Variants in WNK3 observed in about 807,000 individuals in gnomAD.
WNK3 encodes serine/threonine-protein kinase WNK3.
WNK3 carries 18 observed loss-of-function variants against 116.7 expected under a neutral mutation model. That is an observed-to-expected ratio of 0.15 (90% CI 0.11 to 0.23). The LOEUF is 0.23. Among genes scored for constraint, WNK3 ranks in the 10% least tolerant of loss-of-function variants. The pLI is 1.00. For synonymous variants in WNK3, 404 were observed against 469.4 expected (o/e 0.86, Z 1.80); for missense variants, 993 against 1,323.8 (o/e 0.75, Z 3.88).
chrX:54,291,294 CATA>C (rs2068637103), intron 10 of WNK3, among the ~76,000 whole-genome samples: 1 of 110,513 alleles, frequency 9.0e-6, no homozygotes, highest in Non-Finnish European at 1.9e-5. Context: ...GCCTGGGCGA[CATA>C]ATGAGACTCC....
exon 23 of WNK3, chrX:54,201,991 T>C (rs782788130): frequency 8.3e-7 from 1 of 1,208,252 alleles, no homozygotes; most frequent in East Asian, 3.0e-5. Context: ...AACAACTTAC[T>C]TCAGATACTT....
At chrX:54,358,846 G>A (rs1557179896), upstream of WNK3, among the ~76,000 whole-genome samples, 1 of 112,983 alleles carries the variant, frequency 8.9e-6, no homozygotes, top group African/African-American at 3.2e-5. Context: ...TTTTACTTAG[G>A]CCTCTGACCG....
At chrX:54,211,929 A>G (rs1213617140) in intron 22 of WNK3, among the ~76,000 whole-genome samples, 1 of 111,683 alleles carries the variant, frequency 9.0e-6, no homozygotes, top group Non-Finnish European at 1.9e-5. Context: ...GAACTCAAAA[A>G]AAAAAGAAAA....
chrX:54,314,957 T>C (rs1433790156), intron 2 of WNK3, among the ~76,000 whole-genome samples: 1 of 110,568 alleles, frequency 9.0e-6, no homozygotes, highest in Admixed American at 9.8e-5. Context: ...AAAATACTAA[T>C]ATTTCCCCCC....
intron 2 of WNK3, among the ~76,000 whole-genome samples, chrX:54,322,167 C>T (rs2069045640): frequency 1.8e-5 from 2 of 111,471 alleles, no homozygotes; most frequent in Admixed American, 9.7e-5. Flanking sequence ...CTTGCCTTAG[C>T]AGGAGGACAT....
exon 24 of WNK3, chrX:54,193,867 T>C (rs1216806372): frequency 9.0e-6 from 1 of 111,301 alleles, no homozygotes; most frequent in Admixed American, 9.7e-5. Flanking sequence ...CCTTTTCTGA[T>C]TCCTCTTCTA....
intron 10 of WNK3, among the ~76,000 whole-genome samples, chrX:54,292,336 T>C (rs2068647490): frequency 1.8e-5 from 2 of 111,527 alleles, no homozygotes. Context: ...CCATATATAC[T>C]GAGTTCTCTG....
intron 22 of WNK3, among the ~76,000 whole-genome samples, chrX:54,221,097 T>C (rs948249329): frequency 8.9e-6 from 1 of 112,085 alleles, no homozygotes; most frequent in African/African-American, 3.2e-5. Flanking sequence ...TATGTCCTTG[T>C]TTTTTAAAAA....
chrX:54,249,598 T>C, exon 17 of WNK3: 1 of 1,210,405 alleles, frequency 8.3e-7, no homozygotes, highest in Non-Finnish European at 1.1e-6. Context: ...GAGCAATGTG[T>C]CCCGTGATAT....
intron 22 of WNK3, among the ~76,000 whole-genome samples, chrX:54,224,997 C>G (rs1557147505): frequency 9.1e-6 from 1 of 110,446 alleles, no homozygotes; most frequent in Non-Finnish European, 1.9e-5. Flanking sequence ...ACGCTCCACC[C>G]AACAACACCA....
intron 10 of WNK3, among the ~76,000 whole-genome samples, chrX:54,271,660 C>A (rs1557159362): frequency 2.7e-5 from 3 of 111,877 alleles, no homozygotes; most frequent in African/African-American, 9.7e-5. Context: ...TTTTAAAAAG[C>A]TTTCATAATT....
At chrX:54,200,801 G>A (rs2067493770) in intron 23 of WNK3, among the ~76,000 whole-genome samples, 1 of 111,521 alleles carries the variant, frequency 9.0e-6, no homozygotes, top group African/African-American at 3.3e-5. Flanking sequence ...CAGTACAAAT[G>A]CATTTATGTC....
chrX:54,238,862 C>T lies in WNK3; in HGVS notation c.3883+6G>A, dbSNP rs1557150860. ...TAGTCTATGTCCCTGACTGTAAGCACACTACCTTGACGGACTTTTGATCTC... is the reference window on the plus strand; with the variant it reads ...TAGTCTATGTCCCTGACTGTAAGCATACTACCTTGACGGACTTTTGATCTC... On this transcript the variant is annotated splice_donor_region_variant and intron_variant, in intron 18 of 23. Coordinates refer to ENST00000354646, the Ensembl canonical transcript of WNK3. 8.7e-7 allele frequency: 1 copy of T among 1,143,540 alleles called. No homozygotes were observed. The highest frequency in any genetic ancestry group is 1.2e-6 in the Non-Finnish European group (1 of 859,156). 94.2% of individuals were successfully genotyped at this position (1,143,540 alleles called of 1,213,427 possible).
At chrX:54,249,111 G>A (rs782689332) in exon 17 of WNK3, 1 of 1,211,629 alleles carries the variant, frequency 8.3e-7, no homozygotes, top group Non-Finnish European at 1.1e-6. Context: ...CAAGGCCAGG[G>A]GTCTGAGTGG....
chrX:54,352,288 GAGGATGTGGAGAAATGGAAC>G (rs1365225677), intron 1 of WNK3, among the ~76,000 whole-genome samples: 1 of 111,759 alleles, frequency 8.9e-6, no homozygotes, highest in Non-Finnish European at 1.9e-5. Flanking sequence ...AAGTGTTGGT[GAGGATGTGGAGAAATGGAAC>G]CCTCATACAT....
intron 22 of WNK3, among the ~76,000 whole-genome samples, chrX:54,225,768 TG>T (rs1164530928): frequency 9.0e-6 from 1 of 110,712 alleles, no homozygotes; most frequent in African/African-American, 3.3e-5. Context: ...AAATTCCAAC[TG>T]TTTTTTTCAG....
At chrX:54,243,420 C>CAAAAAA (rs782696727) in intron 17 of WNK3, among the ~76,000 whole-genome samples, 6 of 16,836 alleles carry the variant, frequency 3.6e-4, no homozygotes, top group East Asian at 2.1e-3. Flanking sequence ...GACTCCGTCT[C>CAAAAAA]AAAAAAAAAA....
intron 10 of WNK3, among the ~76,000 whole-genome samples, chrX:54,275,887 G>A (rs2068440983): frequency 9.0e-6 from 1 of 110,609 alleles, no homozygotes; most frequent in African/African-American, 3.3e-5. Context: ...AAGCAGCAGG[G>A]AGTACATAAT....
intron 2 of WNK3, among the ~76,000 whole-genome samples, chrX:54,320,938 C>T (rs1162165044): frequency 1.7e-4 from 19 of 110,340 alleles, no homozygotes; most frequent in Non-Finnish European, 3.2e-4. Flanking sequence ...GCTCTGTCAC[C>T]CAGGCTGGAG....
Sources: allele counts gnomAD v4.1 joint callset (sites outside exome capture counted in the v4.1 genomes callset), GRCh38; gene constraint gnomAD v4.1.1; transcripts MANE v1.5; gene names NCBI Gene and HGNC (gene_info 2026-07-23, HGNC 2026-07-21).